The following SFXN4 variants were observed in gnomAD, a reference collection of about 807,000 sequenced individuals.
SFXN4 encodes the protein sideroflexin 4.
Under a neutral mutation model 54.6 loss-of-function variants are expected in SFXN4, and 48 were observed. That is an observed-to-expected ratio of 0.88 (90% CI 0.70 to 1.12). The LOEUF (loss-of-function observed/expected upper bound fraction) is 1.12, where lower values mean the gene tolerates loss of function less well. SFXN4 is among the 50% of genes most tolerant of loss of function. SFXN4 has a pLI of 0.00. For missense variants in SFXN4, 383 were observed against 409.2 expected, an observed-to-expected ratio of 0.94 and a Z score of 0.55; for synonymous variants, 130 against 145.5, an observed-to-expected ratio of 0.89 and a Z score of 0.77.
chr10:119,157,652 T>A lies in SFXN4; in HGVS notation c.537+16A>T. The A allele has an allele frequency of 6.4e-7, 1 of 1,569,946 alleles. No individual in the cohort carries two copies. Among genetic ancestry groups the A allele is most frequent in the Non-Finnish European group, 8.6e-7 (1 of 1,159,900 alleles). On this transcript the variant is annotated intron_variant, in intron 9 of 13. Coordinates refer to ENST00000355697, the MANE Select transcript of SFXN4 (RefSeq NM_213649.2). ...TGAGGAATAAAGAAGATTTGACAGA[T>A]TCTAAAAATACCTACTCCTAAGAAA...
intron 13 of SFXN4, among the ~76,000 whole-genome samples, chr10:119,143,192 G>C (rs1443815711): frequency 1.3e-5 from 2 of 152,082 alleles, no homozygotes; most frequent in African/African-American, 4.8e-5. Flanking sequence ...GGCTGTGCAG[G>C]CCCTGCCACC....
chr10:119,160,622 T>G lies in SFXN4; in HGVS notation c.334+293A>C, dbSNP rs547391383. The stretch of plus-strand genomic sequence containing the variant: ...TTTTTTTTTGGACACGGAGTTTCAC[T>G]CTTGTTGCCCAGGCTGGAGCGCAAT... On this transcript the variant is annotated intron_variant, in intron 5 of 13. Coordinates refer to ENST00000355697, the MANE Select transcript of SFXN4 (RefSeq NM_213649.2). Among the ~76,000 whole-genome samples, 3 of 135,968 alleles carry G rather than the reference T, an allele frequency of 2.2e-5. No individual in the cohort carries two copies. The South Asian group carries it at 7.3e-4, about 33-fold the overall frequency. 89.2% of individuals were successfully genotyped at this position (135,968 alleles called of 152,430 possible).
At chr10:119,163,745 T>C (rs989407681) in intron 2 of SFXN4, among the ~76,000 whole-genome samples, 21 of 152,046 alleles carry the variant, frequency 1.4e-4, no homozygotes, top group Non-Finnish European at 8.8e-5. Context: ...GACAAGCTCA[T>C]TTAGAAGGAA....
chr10:119,150,616 C>A (rs1847027149), intron 11 of SFXN4, among the ~76,000 whole-genome samples: 1 of 152,044 alleles, frequency 6.6e-6, no homozygotes, highest in Admixed American at 6.6e-5. Context: ...CTGCAGTGAG[C>A]CATGTTCGTA....
At chr10:119,148,651 C>A (rs1846921847) in intron 11 of SFXN4, among the ~76,000 whole-genome samples, 1 of 152,120 alleles carries the variant, frequency 6.6e-6, no homozygotes, top group Non-Finnish European at 1.5e-5. Context: ...CTGTCCGTAC[C>A]CACGTTTCAC....
Position 119,146,268 on chromosome 10 carries a change from A to G in SFXN4, c.904T>C (p.Phe302Leu), listed in dbSNP as rs1306491835. The G allele has an allele frequency of 6.2e-7, 1 of 1,612,248 alleles. No individual in the cohort carries two copies. Among genetic ancestry groups the G allele is most frequent in the Non-Finnish European group, 8.5e-7 (1 of 1,178,678 alleles). The change falls in exon 13 of 14, where the codon TTT becomes CTT. Residue 302 changes from phenylalanine (F) to leucine (L), a missense_variant. Transcript: ENST00000355697. ...TVLAMGLMVP[F>L]SFSIFPQIGQ... is the part of the protein sequence containing the mutation. ...ATCTGTGGAAATATACTAAAAGAAA[A>G]TGGCACCATCAGTCCCATTGCCAGG... is the stretch of plus-strand genomic sequence containing the variant.
Position 119,155,185 on chromosome 10 carries a change from T to G in SFXN4, c.617-8A>C, listed in dbSNP as rs770674690. On this transcript the variant is annotated splice_region_variant and splice_polypyrimidine_tract_variant and intron_variant, in intron 10 of 13. Coordinates refer to ENST00000355697, the MANE Select transcript of SFXN4 (RefSeq NM_213649.2). Reference sequence around the variant, plus strand: ...TCATTCCACTGGCTTGCACTGTAGATGTAAAGAAGTAAAGAACACCCAAGA... The same window carrying G: ...TCATTCCACTGGCTTGCACTGTAGAGGTAAAGAAGTAAAGAACACCCAAGA... 2 of 1,591,118 alleles carry G rather than the reference T, an allele frequency of 1.3e-6. No homozygotes were observed. The highest frequency in any genetic ancestry group is 1.1e-5 in the South Asian group (1 of 90,596).
intron 10 of SFXN4, among the ~76,000 whole-genome samples, chr10:119,156,148 C>A (rs985579170): frequency 3.3e-5 from 5 of 152,268 alleles, no homozygotes; most frequent in South Asian, 2.1e-4. Context: ...TAGGGCCAGG[C>A]GCGGTGGCTC....
chr10:119,144,194 C>T (rs574852614), intron 13 of SFXN4, among the ~76,000 whole-genome samples: 10 of 152,240 alleles, frequency 6.6e-5, no homozygotes, highest in Admixed American at 1.3e-4. Flanking sequence ...TGGTGGCTCA[C>T]GCCTGTAATA....
At chr10:119,143,355 C>T (rs1425540164) in intron 13 of SFXN4, among the ~76,000 whole-genome samples, 2 of 151,840 alleles carry the variant, frequency 1.3e-5, no homozygotes, top group Non-Finnish European at 2.9e-5. Context: ...AGGTGTGTGC[C>T]GCTTCACCCT....
intron 1 of SFXN4, among the ~76,000 whole-genome samples, chr10:119,164,895 G>A (rs1332105681): frequency 6.6e-6 from 1 of 152,122 alleles, no homozygotes; most frequent in Non-Finnish European, 1.5e-5. Context: ...AACAGACGCC[G>A]GATTTGGAAC....
intron 2 of SFXN4, among the ~76,000 whole-genome samples, chr10:119,162,636 A>G (rs896792903): frequency 7.2e-5 from 11 of 152,054 alleles, no homozygotes; most frequent in African/African-American, 9.6e-5. Context: ...GCTGCCCCCA[A>G]TGGTGCTGTC....
chr10:119,154,904 T>C (rs921300641), intron 11 of SFXN4, among the ~76,000 whole-genome samples, 158 bp downstream of exon 11: 6 of 17,178 alleles, frequency 3.5e-4, no homozygotes, highest in African/African-American at 2.2e-3. Context: ...TGCCCCATCT[T>C]ATCAGGGGGC....
intron 11 of SFXN4, among the ~76,000 whole-genome samples, chr10:119,149,866 G>A (rs573699943): frequency 5.9e-4 from 90 of 152,362 alleles, no homozygotes; most frequent in African/African-American, 2.1e-3. Flanking sequence ...GGCGAGGCCC[G>A]CCTCTCTCCC....
intron 13 of SFXN4, among the ~76,000 whole-genome samples, chr10:119,144,949 A>C (rs1846725080): frequency 6.6e-6 from 1 of 152,170 alleles, no homozygotes; most frequent in Non-Finnish European, 1.5e-5. Flanking sequence ...GTAGTTATAG[A>C]ACATTTTGGA....
At chr10:119,150,260 G>C (rs755537440) in intron 11 of SFXN4, among the ~76,000 whole-genome samples, 3 of 152,110 alleles carry the variant, frequency 2.0e-5, no homozygotes, top group Non-Finnish European at 4.4e-5. Flanking sequence ...AGTCAGGCCT[G>C]AGGCTACCTT....
intron 5 of SFXN4, among the ~76,000 whole-genome samples, chr10:119,160,298 G>C (rs1460664835): frequency 6.6e-6 from 1 of 152,086 alleles, no homozygotes; most frequent in African/African-American, 2.4e-5. Flanking sequence ...AGAAGGTCAG[G>C]AGTTCGAGAC....
intron 11 of SFXN4, among the ~76,000 whole-genome samples, chr10:119,148,072 T>C (rs964476041): frequency 6.6e-6 from 1 of 152,056 alleles, no homozygotes; most frequent in Non-Finnish European, 1.5e-5. Context: ...CTTAGGAGAC[T>C]GAGAAATGAG....
chr10:119,150,064 A>C (rs972979553), intron 11 of SFXN4, among the ~76,000 whole-genome samples: 2 of 152,242 alleles, frequency 1.3e-5, no homozygotes, highest in Non-Finnish European at 2.9e-5. Context: ...TAGCCGAAGA[A>C]AATAACCTTC....
Sources: allele counts gnomAD v4.1 joint callset (sites outside exome capture counted in the v4.1 genomes callset), GRCh38; gene constraint gnomAD v4.1.1; transcripts MANE v1.5; gene names NCBI Gene and HGNC (gene_info 2026-07-23, HGNC 2026-07-21).